The following PCSK5 variants were observed in gnomAD, a reference collection of about 807,000 sequenced individuals.
PCSK5 encodes proprotein convertase subtilisin/kexin type 5, also known as prohormone convertase 5.
PCSK5 carries 129 observed loss-of-function variants against 233.2 expected under a neutral mutation model. That is an observed-to-expected ratio of 0.55 (90% CI 0.48 to 0.64). PCSK5 has a LOEUF of 0.64. Ranked by LOEUF, PCSK5 falls within the 30% of genes least tolerant of loss-of-function variation. The probability of loss-of-function intolerance (pLI) is 0.00; values close to 1 mark genes in which losing one functional copy is unlikely to be tolerated. For synonymous variants in PCSK5, 825 were observed against 879.2 expected, an observed-to-expected ratio of 0.94 and a Z score of 1.09; for missense variants, 2,076 against 2,430.1, an observed-to-expected ratio of 0.85 and a Z score of 3.06.
At chr9:76,284,763 G>C (rs9314844) in intron 24 of PCSK5, among the ~76,000 whole-genome samples, 145,101 of 152,006 alleles carry the variant, frequency 0.95, 69,332 homozygotes, top group East Asian at 1. Flanking sequence ...AACTCCCGAC[G>C]TCAGGTGATC....
chr9:76,359,806 A>G lies in PCSK5; in HGVS notation c.*884A>G, dbSNP rs1830396621. 1.3e-5 allele frequency: 2 copies of G among 152,192 alleles called. No individual in the cohort carries two copies. The highest frequency in any genetic ancestry group is 2.9e-5 in the Non-Finnish European group (2 of 68,032). The allele number at this position is 152,192 out of a possible 1,614,324, so 9.4% of individuals were successfully genotyped here. A position where few individuals can be genotyped will look rare whatever the true frequency, so the allele number is the denominator to read the frequency against. On this transcript the variant is annotated 3_prime_UTR_variant, in exon 38 of 38. Transcript: ENST00000674117. ...GACAAACACTTCATCCGCTCTAAAA[A>G]ATTCAGAGCTTTCCTTCATCAACAA...
chr9:75,987,627 A>G (rs1826574516), intron 3 of PCSK5, among the ~76,000 whole-genome samples: 1 of 152,166 alleles, frequency 6.6e-6, no homozygotes, highest in Non-Finnish European at 1.5e-5. Flanking sequence ...AGAATTTTAC[A>G]CAGAAATTTT....
At chr9:76,134,301 A>C in intron 10 of PCSK5, 89 bp downstream of exon 10, 1 of 714,492 alleles carries the variant, frequency 1.4e-6, no homozygotes, top group Non-Finnish European at 2.3e-6. Context: ...AACCCCTCAA[A>C]CGAAACTTTA....
In PCSK5 at chr9:76,173,848, C is replaced by T. The variant is rs576140837; in HGVS notation, c.1757-1138C>T. ...AATTAGCTGAGTGTGGTGGGGGCCA[C>T]CTGTAATCCCAGCTACTTGGGAGGA... is the stretch of plus-strand genomic sequence containing the variant. On this transcript the variant is annotated intron_variant, in intron 13 of 37. Transcript: ENST00000674117. Among the ~76,000 whole-genome samples, 41 of 152,130 alleles carry T rather than the reference C, an allele frequency of 2.7e-4. No homozygotes were observed. In the South Asian group the frequency reaches 8.3e-3, roughly 31 times the overall value.
chr9:75,928,596 C>CATATATATATATATATATATATATAT (rs61537466), intron 1 of PCSK5, among the ~76,000 whole-genome samples: 1 of 68,398 alleles, frequency 1.5e-5, no homozygotes, highest in African/African-American at 4.9e-5. Flanking sequence ...CATATAAATA[C>CATATATATATATATATATATATATAT]ATATATATAT....
At chr9:76,278,847 A>G (rs1372489721) in intron 24 of PCSK5, among the ~76,000 whole-genome samples, 1 of 152,170 alleles carries the variant, frequency 6.6e-6, no homozygotes, top group East Asian at 1.9e-4. Flanking sequence ...CTATTAGCCC[A>G]TCTTATATAA....
At chr9:76,043,507 A>G (rs1472714076) in intron 5 of PCSK5, among the ~76,000 whole-genome samples, 3 of 152,104 alleles carry the variant, frequency 2.0e-5, no homozygotes, top group African/African-American at 7.2e-5. Flanking sequence ...GGCCTCTGAA[A>G]GGAAATTATG....
At chr9:76,331,842 A>T (rs1829545707) in intron 33 of PCSK5, among the ~76,000 whole-genome samples, 2 of 152,128 alleles carry the variant, frequency 1.3e-5, no homozygotes, top group Non-Finnish European at 2.9e-5. Flanking sequence ...AAGGAAACAG[A>T]TTCCCTCCTA....
intron 25 of PCSK5, among the ~76,000 whole-genome samples, chr9:76,293,517 T>C (rs1172151948): frequency 1.3e-5 from 2 of 152,348 alleles, no homozygotes; most frequent in East Asian, 3.9e-4. Flanking sequence ...TGGCACGATG[T>C]CAGCTCACTG....
At chr9:75,982,904 C>T (rs1192060753) in intron 2 of PCSK5, among the ~76,000 whole-genome samples, 3 of 152,022 alleles carry the variant, frequency 2.0e-5, no homozygotes, top group African/African-American at 7.2e-5. Context: ...CTTAAAGTAC[C>T]TTTACATTTA....
At chr9:76,242,559 A>G (rs1826463969) in intron 24 of PCSK5, among the ~76,000 whole-genome samples, 1 of 152,248 alleles carries the variant, frequency 6.6e-6, no homozygotes, top group Non-Finnish European at 1.5e-5. Flanking sequence ...CTAGGCATAA[A>G]TAATAAAAGT....
chr9:76,320,582 TC>T (rs1418254836), intron 30 of PCSK5, among the ~76,000 whole-genome samples: 1 of 144,454 alleles, frequency 6.9e-6, no homozygotes, highest in African/African-American at 2.5e-5. Flanking sequence ...CAAGCAATTC[TC>T]CTGTCTCAGC....
intron 2 of PCSK5, among the ~76,000 whole-genome samples, chr9:75,967,096 A>T (rs892722287): frequency 3.3e-5 from 5 of 151,544 alleles, no homozygotes; most frequent in Admixed American, 6.6e-5. Flanking sequence ...TTATTTATTT[A>T]TTTTTTTCTT....
Position 76,308,716 on chromosome 9 carries a change from T to A in PCSK5, c.3676T>A (p.Ser1226Thr). 4 of 1,607,088 alleles carry A rather than the reference T, an allele frequency of 2.5e-6. No individual in the cohort carries two copies. The African/African-American group carries it at 4.0e-5, about 16-fold the overall frequency. Residue 1226 changes from serine to threonine, a missense_variant, in exon 29 of 38, where the codon TCA becomes ACA. Transcript: ENST00000674117. ...CAATGGATCTGCAACTCTGTGCACTTCATGTCCCAAAGGTTAGTGTGTTGC... is the reference window on the plus strand; with the variant it reads ...CAATGGATCTGCAACTCTGTGCACTACATGTCCCAAAGGTTAGTGTGTTGC... ...TCNGSATLCT[S>T]CPKGAYLLAQ...
intron 10 of PCSK5, among the ~76,000 whole-genome samples, chr9:76,135,741 A>T (rs562234249): frequency 6.6e-6 from 1 of 152,250 alleles, no homozygotes; most frequent in South Asian, 2.1e-4. Context: ...AGGAGCTGAC[A>T]CATAACCTTA....
At chr9:76,103,331 A>G (rs1831840424) in intron 8 of PCSK5, among the ~76,000 whole-genome samples, 1 of 152,200 alleles carries the variant, frequency 6.6e-6, no homozygotes, top group Non-Finnish European at 1.5e-5. Flanking sequence ...TTTCAAAAAT[A>G]TCTGTTCAGT....
intron 24 of PCSK5, among the ~76,000 whole-genome samples, chr9:76,275,469 G>A (rs1827661942): frequency 6.6e-6 from 1 of 152,130 alleles, no homozygotes; most frequent in Non-Finnish European, 1.5e-5. Context: ...CTGTCACCCA[G>A]GCTGGAGTCC....
In PCSK5 at chr9:76,057,939, C is replaced by A. The variant is rs182024053; in HGVS notation, c.633-10016C>A. Among the ~76,000 whole-genome samples, 7 of 146,808 alleles carry A rather than the reference C, an allele frequency of 4.8e-5. No homozygotes were observed. The East Asian group carries it at 1.3e-3, about 26-fold the overall frequency. On this transcript the variant is annotated intron_variant, in intron 5 of 37. Transcript: ENST00000674117. The stretch of plus-strand genomic sequence containing the variant: ...GCATCCATGAACTCCTGGGCTCAAG[C>A]AATCCTCCAGCCTCAGCCTTCTGAG...
chr9:76,003,818 A>AC (rs1827361690), intron 3 of PCSK5, among the ~76,000 whole-genome samples: 1 of 151,428 alleles, frequency 6.6e-6, no homozygotes, highest in Non-Finnish European at 1.5e-5. Context: ...TCTTTTATTT[A>AC]TTTTTTTAGA....
Sources: allele counts gnomAD v4.1 joint callset (sites outside exome capture counted in the v4.1 genomes callset), GRCh38; gene constraint gnomAD v4.1.1; transcripts MANE v1.5; gene names NCBI Gene and HGNC (gene_info 2026-07-23, HGNC 2026-07-21).